The following SNTG1 variants were observed in gnomAD, a reference collection of about 807,000 sequenced individuals.
The protein encoded by SNTG1 is syntrophin gamma 1, also known as gamma-1-syntrophin.
In SNTG1, 39 loss-of-function variants were observed where a neutral mutation model predicts 74.7. That is an observed-to-expected ratio of 0.52 (90% CI 0.40 to 0.68). The LOEUF is 0.68. SNTG1 is among the 30% of genes least tolerant of loss of function. The pLI is 0.00. For synonymous variants in SNTG1, 254 were observed against 217.1 expected (o/e 1.17, Z -1.49); for missense variants, 685 against 609.5 (o/e 1.12, Z -1.30).
intron 1 of SNTG1, among the ~76,000 whole-genome samples, chr8:50,075,766 C>G (rs970405980): frequency 6.6e-6 from 1 of 152,142 alleles, no homozygotes; most frequent in Admixed American, 6.5e-5. Flanking sequence ...CACGAACCCC[C>G]TGGGAGGAAT....
intron 8 of SNTG1, among the ~76,000 whole-genome samples, chr8:50,474,587 G>T (rs1233495238): frequency 6.6e-6 from 1 of 152,132 alleles, no homozygotes; most frequent in Non-Finnish European, 1.5e-5. Context: ...ACAGGTGCTG[G>T]AGAGGATGTG....
At chr8:50,134,581 G>A (rs1180308158) in intron 1 of SNTG1, among the ~76,000 whole-genome samples, 1 of 152,106 alleles carries the variant, frequency 6.6e-6, no homozygotes, top group Non-Finnish European at 1.5e-5. Flanking sequence ...ACAATTTTAA[G>A]AATCTTTTCT....
intron 2 of SNTG1, among the ~76,000 whole-genome samples, chr8:50,333,649 C>A (rs1324862740): frequency 6.6e-6 from 1 of 152,208 alleles, no homozygotes; most frequent in Non-Finnish European, 1.5e-5. Context: ...ATTGTAGCTG[C>A]AAAACTTCTC....
At position 49,968,803 on chromosome 8, in the gene SNTG1, G is replaced by A. The variant is rs117456338; in HGVS notation, c.-103+56572G>A. ...AATCCAATCATAATTATTTACAGGC[G>A]CTGTGTTCCAGAGTTCCAGAAAACC... On this transcript the variant is annotated intron_variant, in intron 1 of 18. Coordinates refer to ENST00000642720, the MANE Select transcript of SNTG1 (RefSeq NM_018967.5). Among the ~76,000 whole-genome samples, 325 of 152,244 alleles carry A rather than the reference G, an allele frequency of 2.1e-3. 3 individuals carry two copies. Among genetic ancestry groups the A allele is most frequent in the East Asian group, 0.013 (68 of 5,180 alleles).
chr8:50,108,747 G>A (rs2080474757), intron 1 of SNTG1, among the ~76,000 whole-genome samples: 1 of 152,098 alleles, frequency 6.6e-6, no homozygotes, highest in African/African-American at 2.4e-5. Flanking sequence ...GTTATTTGTG[G>A]GGGGATTTTA....
At chr8:50,498,362 T>A (rs2093922274) in intron 8 of SNTG1, among the ~76,000 whole-genome samples, 1 of 151,904 alleles carries the variant, frequency 6.6e-6, no homozygotes, top group South Asian at 2.1e-4. Flanking sequence ...ATTGCTATTA[T>A]GTTAAGCATA....
chr8:50,691,421 A>G (rs931388783), intron 15 of SNTG1, among the ~76,000 whole-genome samples: 2 of 152,112 alleles, frequency 1.3e-5, no homozygotes, highest in Non-Finnish European at 2.9e-5. Flanking sequence ...GCTTCCTTCA[A>G]GAGCTCTTTT....
chr8:50,113,577 C>A (rs1405570412), intron 1 of SNTG1, among the ~76,000 whole-genome samples: 1 of 152,078 alleles, frequency 6.6e-6, no homozygotes, highest in Non-Finnish European at 1.5e-5. Flanking sequence ...CCCTTTATTT[C>A]TTTCTCCTGC....
intron 2 of SNTG1, among the ~76,000 whole-genome samples, chr8:50,310,125 T>A (rs985932900): frequency 1.3e-5 from 2 of 152,224 alleles, no homozygotes; most frequent in African/African-American, 4.8e-5. Context: ...ATGACCATTG[T>A]CCTTCAAGTT....
At chr8:50,350,137 C>G (rs1328825284) in intron 2 of SNTG1, among the ~76,000 whole-genome samples, 1 of 152,156 alleles carries the variant, frequency 6.6e-6, no homozygotes, top group African/African-American at 2.4e-5. Context: ...CTCGCTGGTC[C>G]TTAGCTGCCT....
intron 12 of SNTG1, among the ~76,000 whole-genome samples, chr8:50,568,013 C>G (rs1356563411): frequency 2.6e-5 from 4 of 152,060 alleles, no homozygotes; most frequent in Non-Finnish European, 5.9e-5. Flanking sequence ...TCTTTCCCTT[C>G]CCCAGGTTCT....
At chr8:50,734,540 T>A (rs1016507802) in intron 17 of SNTG1, among the ~76,000 whole-genome samples, 2 of 150,800 alleles carry the variant, frequency 1.3e-5, no homozygotes, top group African/African-American at 4.8e-5. Flanking sequence ...ATATAAAAAT[T>A]TTAATTAGTA....
chr8:50,279,912 G>A (rs1363554728), intron 2 of SNTG1, among the ~76,000 whole-genome samples: 1 of 152,194 alleles, frequency 6.6e-6, no homozygotes, highest in Non-Finnish European at 1.5e-5. Context: ...TTTTAGAGAT[G>A]TAGTCATCCT....
chr8:50,669,116 C>T (rs1030389604), intron 15 of SNTG1, among the ~76,000 whole-genome samples: 3 of 151,686 alleles, frequency 2.0e-5, no homozygotes, highest in African/African-American at 4.8e-5. Context: ...CCTAACATCA[C>T]AATTAAAAGA....
At chr8:50,515,806 G>C (rs865924843) in intron 9 of SNTG1, among the ~76,000 whole-genome samples, 19 of 152,104 alleles carry the variant, frequency 1.2e-4, no homozygotes, top group African/African-American at 4.6e-4. Context: ...GCCCCAGTCA[G>C]GGGCTTATAG....
chr8:49,910,065 C>T (rs1278992466), upstream of SNTG1, among the ~76,000 whole-genome samples: 3 of 152,206 alleles, frequency 2.0e-5, no homozygotes, highest in Non-Finnish European at 2.9e-5. Flanking sequence ...GCAATGTCCC[C>T]GGGAGGGAAG....
intron 8 of SNTG1, chr8:50,490,683 G>T (rs547344509): frequency 6.6e-6 from 1 of 152,244 alleles, no homozygotes; most frequent in African/African-American, 2.4e-5. Context: ...CAGGGGCCCC[G>T]GGCAGCCCAG....
intron 2 of SNTG1, among the ~76,000 whole-genome samples, chr8:50,173,818 A>G (rs541680066): frequency 6.6e-6 from 1 of 152,252 alleles, no homozygotes; most frequent in African/African-American, 2.4e-5. Flanking sequence ...TTTTTAAACA[A>G]TTATCTTTTT....
intron 2 of SNTG1, among the ~76,000 whole-genome samples, chr8:50,224,993 T>C (rs1192728208): frequency 1.3e-5 from 2 of 152,010 alleles, no homozygotes; most frequent in Non-Finnish European, 2.9e-5. Context: ...TTTTTTGAGA[T>C]GGAGTCTCAC....
Sources: gnomAD v4.1 joint callset for allele counts (sites outside exome capture counted in the v4.1 genomes callset) on GRCh38, gnomAD v4.1.1 for gene constraint, MANE v1.5 for transcripts, NCBI Gene and HGNC (gene_info 2026-07-23, HGNC 2026-07-21) for gene names.